Variants in ACTR3C observed in about 807,000 individuals in gnomAD.
ACTR3C encodes actin related protein 3C.
Under a neutral mutation model 26.3 loss-of-function variants are expected in ACTR3C, and 18 were observed. The ratio of observed to expected loss-of-function variants is 0.68; its 90% CI spans 0.47 to 1.01. ACTR3C has a LOEUF of 1.01. ACTR3C is among the 50% of genes least tolerant of loss of function. The pLI is 0.00. For missense variants in ACTR3C, 184 were observed against 250.7 expected, an observed-to-expected ratio of 0.73 and a Z score of 1.80; for synonymous variants, 55 against 94.5, an observed-to-expected ratio of 0.58 and a Z score of 2.42.
the ACTR3C span, among the ~76,000 whole-genome samples, chr7:150,128,171 C>T: frequency 7.9e-5 from 12 of 151,074 alleles, no homozygotes; most frequent in Non-Finnish European, 1.6e-4. Flanking sequence ...GAACATAGCA[C>T]ATGTCCACGG....
chr7:149,973,382 A>C, the ACTR3C span, among the ~76,000 whole-genome samples: 59 of 152,330 alleles, frequency 3.9e-4, no homozygotes, highest in African/African-American at 1.4e-3. Flanking sequence ...AATACCACTT[A>C]TTATTACTAG....
At chr7:150,175,875 G>A in the ACTR3C span, among the ~76,000 whole-genome samples, 1 of 148,204 alleles carries the variant, frequency 6.7e-6, no homozygotes, top group East Asian at 2.0e-4. Context: ...AAGAAAATCA[G>A]TTTTCAAACT....
the ACTR3C span, among the ~76,000 whole-genome samples, chr7:150,040,234 T>C: frequency 6.8e-6 from 1 of 147,728 alleles, no homozygotes; most frequent in Non-Finnish European, 1.5e-5. Context: ...GGCCATCCTT[T>C]AGAAACCTGT....
chr7:150,281,969 G>A (rs917963563), intron 6 of ACTR3C, among the ~76,000 whole-genome samples: 14 of 143,284 alleles, frequency 9.8e-5, no homozygotes, highest in African/African-American at 3.3e-4. Flanking sequence ...ATCACCATGG[G>A]GAAAAAAAAC....
chr7:150,039,238 A>T, the ACTR3C span, among the ~76,000 whole-genome samples: 4 of 143,646 alleles, frequency 2.8e-5, no homozygotes, highest in South Asian at 8.9e-4. Flanking sequence ...CCAGTGGGGG[A>T]ACCAGGGGCT....
At chr7:150,086,316 G>C in the ACTR3C span, among the ~76,000 whole-genome samples, 1 of 152,226 alleles carries the variant, frequency 6.6e-6, no homozygotes, top group Non-Finnish European at 1.5e-5. Flanking sequence ...TAGTGAAATA[G>C]CTTATTCATG....
chr7:149,922,970 CTTTTTTT>C, the ACTR3C span, among the ~76,000 whole-genome samples: 240 of 69,166 alleles, frequency 3.5e-3, 5 homozygotes, highest in Middle Eastern at 0.056. Flanking sequence ...AAATAAAAGG[CTTTTTTT>C]TTTTTTTTTT....
rs368172014 is a variant in ACTR3C at position 150,284,759 on chromosome 7, C to G, written c.558G>C (p.Leu186=). 9.9e-6 allele frequency: 16 copies of G among 1,611,792 alleles called. No homozygotes were observed. Among genetic ancestry groups the G allele is most frequent in the Middle Eastern group, 1.6e-4 (1 of 6,070 alleles). Residue 186 remains leucine (L), a synonymous_variant, in exon 6 of 8, where the codon CTG becomes CTC. Transcript: ENST00000683684. ...TTACCCATGCAGCTCATACCTTATA[C>G]AGCGGACGCCGCACATCGATGGGGC... The part of the protein sequence containing the change: ...QNCPIDVRRP[L]YKMEQIPLSY...
the ACTR3C span, among the ~76,000 whole-genome samples, chr7:150,221,998 CAAAAA>C: frequency 6.3e-5 from 5 of 79,822 alleles, no homozygotes; most frequent in African/African-American, 6.9e-5. Context: ...ACTCCGTCTC[CAAAAA>C]AAAAAAAAAA....
chr7:149,927,426 T>C, the ACTR3C span, among the ~76,000 whole-genome samples: 1 of 35,268 alleles, frequency 2.8e-5, no homozygotes, highest in Non-Finnish European at 9.1e-5. Flanking sequence ...GTGGAATGAC[T>C]ATTTAAAAAA....
chr7:150,120,317 C>T, the ACTR3C span, among the ~76,000 whole-genome samples: 1 of 151,868 alleles, frequency 6.6e-6, no homozygotes, highest in Non-Finnish European at 1.5e-5. Context: ...AAAAGATTAA[C>T]AAAATAGATA....
chr7:150,296,506 G>C (rs1296007524), intron 1 of ACTR3C, among the ~76,000 whole-genome samples: 1 of 151,436 alleles, frequency 6.6e-6, no homozygotes, highest in South Asian at 2.1e-4. Flanking sequence ...AACAGAAAAA[G>C]AATAAATAAA....
At chr7:150,163,402 G>GTA in the ACTR3C span, among the ~76,000 whole-genome samples, 2 of 147,440 alleles carry the variant, frequency 1.4e-5, no homozygotes, top group South Asian at 2.1e-4. Flanking sequence ...GTGTGTGTGT[G>GTA]TATACACATA....
At chr7:150,016,895 A>G in the ACTR3C span, among the ~76,000 whole-genome samples, 1 of 152,174 alleles carries the variant, frequency 6.6e-6, no homozygotes, top group Non-Finnish European at 1.5e-5. Context: ...TGAGTTAAAC[A>G]TTCTTACATA....
At chr7:150,078,727 G>A in the ACTR3C span, among the ~76,000 whole-genome samples, 1 of 152,170 alleles carries the variant, frequency 6.6e-6, no homozygotes, top group Non-Finnish European at 1.5e-5. Context: ...TTTCTGGATT[G>A]TGTCCATGAG....
chr7:150,223,438 G>A, the ACTR3C span, among the ~76,000 whole-genome samples: 2 of 151,912 alleles, frequency 1.3e-5, no homozygotes, highest in Admixed American at 6.6e-5. Context: ...ATTGATATGT[G>A]GAAGTGGAAT....
the ACTR3C span, among the ~76,000 whole-genome samples, chr7:149,954,480 CTG>C: frequency 6.6e-6 from 1 of 152,126 alleles, no homozygotes; most frequent in African/African-American, 2.4e-5. Context: ...AAACATGGAA[CTG>C]TGTTTATTTA....
chr7:150,045,723 C>A, the ACTR3C span, among the ~76,000 whole-genome samples: 17 of 152,050 alleles, frequency 1.1e-4, no homozygotes, highest in Admixed American at 1.1e-3. Context: ...AAAAGAAGGA[C>A]ATGTATACTC....
At chr7:149,887,196 T>C in the ACTR3C span, among the ~76,000 whole-genome samples, 1 of 152,218 alleles carries the variant, frequency 6.6e-6, no homozygotes, top group African/African-American at 2.4e-5. Context: ...TAAAACTTTA[T>C]ACATTTAACT....
Sources: gnomAD v4.1 joint callset for allele counts (sites outside exome capture counted in the v4.1 genomes callset) on GRCh38, gnomAD v4.1.1 for gene constraint, MANE v1.5 for transcripts, NCBI Gene and HGNC (gene_info 2026-07-23, HGNC 2026-07-21) for gene names.